The following TMPRSS11E variants were observed in gnomAD, a reference collection of about 807,000 sequenced individuals.
TMPRSS11E encodes transmembrane protease serine 11E.
TMPRSS11E carries 38 observed loss-of-function variants against 48.1 expected under a neutral mutation model. That is an observed-to-expected ratio of 0.79 (90% CI 0.61 to 1.04). The LOEUF (loss-of-function observed/expected upper bound fraction) is 1.04. Ranked by LOEUF, TMPRSS11E falls within the 50% of genes least tolerant of loss-of-function variation. The pLI is 0.00. For synonymous variants in TMPRSS11E, 158 were observed against 171.9 expected (o/e 0.92, Z 0.63); for missense variants, 530 against 510.8 (o/e 1.04, Z -0.36).
intron 3 of TMPRSS11E, 27 bp downstream of exon 3, chr4:68,466,779 T>C: frequency 6.2e-7 from 1 of 1,612,062 alleles, no homozygotes; most frequent in East Asian, 2.2e-5. Flanking sequence ...CTACTTCTAG[T>C]GCATTTGCTT....
chr4:68,489,221 G>C (rs1729647460), intron 9 of TMPRSS11E, among the ~76,000 whole-genome samples: 1 of 152,122 alleles, frequency 6.6e-6, no homozygotes, highest in South Asian at 2.1e-4. Flanking sequence ...TGATTTCAGG[G>C]GTCCAAGGGT....
At chr4:68,478,277 T>A (rs980080115) in intron 8 of TMPRSS11E, among the ~76,000 whole-genome samples, 4 of 149,706 alleles carry the variant, frequency 2.7e-5, no homozygotes, top group Non-Finnish European at 5.9e-5. Flanking sequence ...TGCCTCAGCC[T>A]CCCCAGTGAT....
At chr4:68,458,687 T>C (rs529938211) in intron 1 of TMPRSS11E, among the ~76,000 whole-genome samples, 1 of 152,250 alleles carries the variant, frequency 6.6e-6, no homozygotes, top group East Asian at 1.9e-4. Context: ...ATTGAATCAC[T>C]TACTGAGAAA....
chr4:68,459,283 A>G (rs1408470487), intron 1 of TMPRSS11E, among the ~76,000 whole-genome samples: 1 of 152,072 alleles, frequency 6.6e-6, no homozygotes, highest in Non-Finnish European at 1.5e-5. Context: ...TGTAAATTCC[A>G]TGAAAATACA....
intron 6 of TMPRSS11E, 138 bp downstream of exon 6, chr4:68,474,899 A>G (rs1729169245): frequency 1.5e-6 from 1 of 685,764 alleles, no homozygotes; most frequent in African/African-American, 1.9e-5. Context: ...AGTTCATGGT[A>G]CTTTATCATA....
intron 2 of TMPRSS11E, among the ~76,000 whole-genome samples, chr4:68,466,321 T>C (rs1728924984): frequency 6.6e-6 from 1 of 152,184 alleles, no homozygotes; most frequent in African/African-American, 2.4e-5. Context: ...TGACTTGCTG[T>C]CTCTTGTGGC....
chr4:68,485,787 C>G (rs1374682668), intron 9 of TMPRSS11E, among the ~76,000 whole-genome samples: 1 of 151,898 alleles, frequency 6.6e-6, no homozygotes, highest in South Asian at 2.1e-4. Context: ...CCAGGGCCTT[C>G]CTTGTTGGCT....
chr4:68,483,465 T>G (rs1729466363), intron 9 of TMPRSS11E, among the ~76,000 whole-genome samples: 1 of 152,224 alleles, frequency 6.6e-6, no homozygotes, highest in African/African-American at 2.4e-5. Flanking sequence ...TTTCCCCATT[T>G]TAAAAGGGAG....
chr4:68,484,165 C>T (rs1329846062), intron 9 of TMPRSS11E, among the ~76,000 whole-genome samples: 1 of 152,048 alleles, frequency 6.6e-6, no homozygotes, highest in East Asian at 1.9e-4. Flanking sequence ...TTTACTAATT[C>T]TGTGAAAAAT....
In TMPRSS11E at chr4:68,478,147, A is replaced by ATTTTT. The variant is rs879193345; in HGVS notation, c.967+520_967+521insTTTTT. 9.6e-4 allele frequency among the ~76,000 whole-genome samples: 87 copies of ATTTTT among 90,476 alleles called. 6 individuals are homozygous for ATTTTT. Among genetic ancestry groups the ATTTTT allele is most frequent in the Non-Finnish European group, 9.4e-4 (37 of 39,494 alleles). 59.4% of individuals were successfully genotyped at this position (90,476 alleles called of 152,430 possible). A position where few individuals can be genotyped will look rare whatever the true frequency, so the allele number is the denominator to read the frequency against. On this transcript the variant is annotated intron_variant, in intron 8 of 9. Transcript: ENST00000305363. ...ATGTAGTCTAAGATTCTGTATCACT[A>ATTTTT]TCTTTTTTTTTTTTTTTTGAGACAG...
intron 1 of TMPRSS11E, among the ~76,000 whole-genome samples, chr4:68,459,993 A>C (rs1239596323): frequency 1.3e-5 from 2 of 152,194 alleles, no homozygotes; most frequent in African/African-American, 4.8e-5. Context: ...TATTGCAGTA[A>C]TTGACATTCT....
intron 8 of TMPRSS11E, among the ~76,000 whole-genome samples, chr4:68,478,343 C>A (rs1310624993): frequency 6.6e-6 from 1 of 151,236 alleles, no homozygotes; most frequent in Non-Finnish European, 1.5e-5. Flanking sequence ...AGGGTTTCAC[C>A]ATGTTGGCCA....
chr4:68,494,373 C>T (rs1363721044), intron 9 of TMPRSS11E, among the ~76,000 whole-genome samples: 2 of 152,138 alleles, frequency 1.3e-5, no homozygotes, highest in African/African-American at 2.4e-5. Flanking sequence ...TATTAGGGTT[C>T]ACTATTAGAG....
chr4:68,467,005 A>G (rs1213307381), intron 3 of TMPRSS11E, among the ~76,000 whole-genome samples: 1 of 152,090 alleles, frequency 6.6e-6, no homozygotes, highest in Non-Finnish European at 1.5e-5. Flanking sequence ...TTAGCTAGTG[A>G]TATACTCTTG....
intron 1 of TMPRSS11E, among the ~76,000 whole-genome samples, chr4:68,459,792 A>T (rs1197326637): frequency 1.3e-5 from 2 of 152,060 alleles, no homozygotes; most frequent in African/African-American, 4.8e-5. Context: ...ACATGTTTTG[A>T]TATTAGTTGA....
chr4:68,453,036 G>T lies in TMPRSS11E; in HGVS notation c.11+5513G>T, dbSNP rs899511640. 2.6e-5 allele frequency among the ~76,000 whole-genome samples: 4 copies of T among 151,914 alleles called. No individual in the cohort carries two copies. In the East Asian group the frequency reaches 7.7e-4, roughly 29 times the overall value. On this transcript the variant is annotated intron_variant, in intron 1 of 9. Coordinates refer to ENST00000305363, the MANE Select transcript of TMPRSS11E (RefSeq NM_014058.4). Reference sequence around the variant, plus strand: ...GACCCTTGATGTTTGGAGCAGAATTGCTGTGGGTGGAGTGGGATAGAGGCT... The same window carrying T: ...GACCCTTGATGTTTGGAGCAGAATTTCTGTGGGTGGAGTGGGATAGAGGCT...
At chr4:68,466,291 G>A (rs1007484965) in intron 2 of TMPRSS11E, among the ~76,000 whole-genome samples, 2 of 152,146 alleles carry the variant, frequency 1.3e-5, no homozygotes, top group African/African-American at 2.4e-5. Context: ...ATCCATCCCT[G>A]TTTGTATGCT....
At chr4:68,466,490 T>A in intron 2 of TMPRSS11E, 141 bp from the exon 3 acceptor site, 1 of 791,710 alleles carries the variant, frequency 1.3e-6, no homozygotes, top group East Asian at 2.5e-5. Flanking sequence ...CTATGAGGCC[T>A]GGGGCAGGAT....
rs188614262 is a variant in TMPRSS11E, at chr4:68,474,800, G to C, written c.529+39G>C. On this transcript the variant is annotated intron_variant, in intron 6 of 9. Transcript: ENST00000305363. Reference sequence around the variant, plus strand: ...ATTTATTAAAATAGCATTACCTGAAGGTAAAAAGCTAACACTATAGGTCAT... The same window carrying C: ...ATTTATTAAAATAGCATTACCTGAACGTAAAAAGCTAACACTATAGGTCAT... 4.9e-5 allele frequency: 76 copies of C among 1,546,392 alleles called. No homozygotes were observed. In the African/African-American group the frequency reaches 9.1e-4, roughly 19 times the overall value.
Sources: gnomAD v4.1 joint callset for allele counts (sites outside exome capture counted in the v4.1 genomes callset) on GRCh38, gnomAD v4.1.1 for gene constraint, MANE v1.5 for transcripts, NCBI Gene and HGNC (gene_info 2026-07-23, HGNC 2026-07-21) for gene names.